Variants in ACAD10 observed in about 807,000 individuals in gnomAD.
ACAD10 encodes the protein ACAD-10.
Under a neutral mutation model 116.8 loss-of-function variants are expected in ACAD10, and 112 were observed. The observed-to-expected ratio is 0.96, with a 90% CI of 0.82 to 1.12. ACAD10 has a LOEUF of 1.12. Among genes scored for constraint, ACAD10 ranks in the 50% most tolerant of loss-of-function variants. The probability of loss-of-function intolerance (pLI) is 0.00; values close to 1 mark genes in which losing one functional copy is unlikely to be tolerated. For synonymous variants in ACAD10, 486 were observed against 510.6 expected, an observed-to-expected ratio of 0.95 and a Z score of 0.65; for missense variants, 1,259 against 1,350.2, an observed-to-expected ratio of 0.93 and a Z score of 1.06.
chr12:111,714,356 C>T (rs1351901930), intron 6 of ACAD10, among the ~76,000 whole-genome samples: 1 of 152,088 alleles, frequency 6.6e-6, no homozygotes, highest in African/African-American at 2.4e-5. Flanking sequence ...AAACCAGGTG[C>T]CTTGTGTGCT....
At chr12:111,718,177 G>A (rs1888905677) in intron 7 of ACAD10, among the ~76,000 whole-genome samples, 1 of 147,704 alleles carries the variant, frequency 6.8e-6, no homozygotes, top group Non-Finnish European at 1.5e-5. Context: ...AGCCTCCCAA[G>A]TAACAGGGAT....
At chr12:111,716,971 A>G (rs1447008752) in intron 7 of ACAD10, among the ~76,000 whole-genome samples, 5 of 152,250 alleles carry the variant, frequency 3.3e-5, no homozygotes, top group Non-Finnish European at 5.9e-5. Flanking sequence ...AGTAATAGTA[A>G]TAGCTAACAT....
intron 18 of ACAD10, among the ~76,000 whole-genome samples, chr12:111,750,097 T>TG (rs1297998497): frequency 7.3e-6 from 1 of 137,826 alleles, no homozygotes; most frequent in East Asian, 2.1e-4. Context: ...TTTTTTTTGT[T>TG]TTTTTTTTTT....
chr12:111,701,669 AAAG>A (rs1163254648), intron 2 of ACAD10, among the ~76,000 whole-genome samples: 39 of 152,164 alleles, frequency 2.6e-4, no homozygotes, highest in African/African-American at 8.2e-4. Flanking sequence ...TTTCTGAAAA[AAAG>A]AAGAAATTTG....
chr12:111,691,856 C>G (rs772584223), intron 1 of ACAD10, among the ~76,000 whole-genome samples: 7 of 152,096 alleles, frequency 4.6e-5, no homozygotes, highest in Non-Finnish European at 1.0e-4. Context: ...CTCAGCCTCC[C>G]TAAGTGTTGA....
intron 2 of ACAD10, among the ~76,000 whole-genome samples, chr12:111,698,968 C>T (rs569240801): frequency 1.3e-5 from 2 of 152,278 alleles, no homozygotes; most frequent in Non-Finnish European, 2.9e-5. Context: ...CAACCTCTGC[C>T]TCCCAGGCTC....
intron 5 of ACAD10, chr12:111,709,927 G>A: frequency 2.1e-6 from 1 of 479,134 alleles, no homozygotes; most frequent in Non-Finnish European, 3.7e-6. Context: ...GGAGGTGAAT[G>A]GCAGGCTTAA....
rs1363032425 is a variant in ACAD10, at chr12:111,722,914, C to T, written c.1061+1175C>T. ...TGAGCTGTTGGGCACACCTCCCAGA[C>T]GGGGTGGTGGCCGGGCAGAGGGGCT... is the stretch of plus-strand genomic sequence containing the variant. On this transcript the variant is annotated intron_variant, in intron 8 of 20. Coordinates refer to ENST00000313698, the MANE Select transcript of ACAD10 (RefSeq NM_025247.6). Among the ~76,000 whole-genome samples the T allele has an allele frequency of 6.6e-4, 100 of 151,926 alleles. 1 individual carries two copies. The East Asian group carries it at 0.016, about 24-fold the overall frequency.
chr12:111,734,584 A>G (rs1302736246), intron 11 of ACAD10, among the ~76,000 whole-genome samples: 1 of 152,182 alleles, frequency 6.6e-6, no homozygotes. Flanking sequence ...AGATCATGCC[A>G]TTGCACTCCA....
intron 11 of ACAD10, 40 bp downstream of exon 11, chr12:111,734,108 G>T: frequency 6.2e-7 from 1 of 1,612,500 alleles, no homozygotes; most frequent in South Asian, 1.1e-5. Context: ...GAGCAAGCCA[G>T]TTCTCCAAGC....
intron 3 of ACAD10, 82 bp from the exon 4 acceptor site, chr12:111,705,656 T>C: frequency 7.5e-7 from 1 of 1,336,528 alleles, no homozygotes; most frequent in Non-Finnish European, 1.0e-6. Context: ...ACGCCAGGAA[T>C]AAGCATTTTT....
intron 18 of ACAD10, 176 bp downstream of exon 18, chr12:111,749,521 G>A: frequency 4.6e-6 from 4 of 871,240 alleles, no homozygotes; most frequent in Non-Finnish European, 6.8e-6. Context: ...GCTGCAGTTT[G>A]GATTCAGAGC....
chr12:111,728,217 T>G (rs531111247), intron 9 of ACAD10, 74 bp downstream of exon 9: 3 of 1,471,334 alleles, frequency 2.0e-6, no homozygotes, highest in East Asian at 2.3e-5. Context: ...CTGAATCGTT[T>G]TGGGTCGTTT....
chr12:111,715,182 T>C (rs1037332932), intron 6 of ACAD10, among the ~76,000 whole-genome samples: 2 of 152,232 alleles, frequency 1.3e-5, no homozygotes, highest in Non-Finnish European at 1.5e-5. Context: ...CAGGCCGAGT[T>C]CTGTTGCTTG....
chr12:111,722,888 A>G (rs1340426572), intron 8 of ACAD10, among the ~76,000 whole-genome samples: 1 of 151,952 alleles, frequency 6.6e-6, no homozygotes, highest in East Asian at 1.9e-4. Flanking sequence ...CCCGTTCTCA[A>G]TGAGCTGTTG....
chr12:111,696,475 T>G (rs1888193396), intron 2 of ACAD10, among the ~76,000 whole-genome samples: 1 of 152,212 alleles, frequency 6.6e-6, no homozygotes, highest in Non-Finnish European at 1.5e-5. Flanking sequence ...GAAGTTCATA[T>G]TTCAATGTCC....
chr12:111,707,658 T>C (rs1888549346), intron 4 of ACAD10, among the ~76,000 whole-genome samples: 1 of 152,220 alleles, frequency 6.6e-6, no homozygotes, highest in Non-Finnish European at 1.5e-5. Flanking sequence ...ACTCAAGTAT[T>C]GGACATTTTG....
At chr12:111,686,603 C>A (rs569646184) in intron 1 of ACAD10, among the ~76,000 whole-genome samples, 2 of 152,282 alleles carry the variant, frequency 1.3e-5, no homozygotes, top group South Asian at 4.1e-4. Context: ...GTAGTCCAAG[C>A]TACTTGGGAG....
intron 10 of ACAD10, among the ~76,000 whole-genome samples, chr12:111,730,438 T>G (rs1165962777): frequency 6.6e-6 from 1 of 152,064 alleles, no homozygotes; most frequent in Non-Finnish European, 1.5e-5. Context: ...CTGGGTGTAA[T>G]GAAAGGATTG....
Sources: allele counts gnomAD v4.1 joint callset (sites outside exome capture counted in the v4.1 genomes callset), GRCh38; gene constraint gnomAD v4.1.1; transcripts MANE v1.5; gene names NCBI Gene and HGNC (gene_info 2026-07-23, HGNC 2026-07-21).